The following QRFPR variants were observed in gnomAD, a reference collection of about 807,000 sequenced individuals.
QRFPR encodes the protein pyroglutamylated RFamide peptide receptor.
Under a neutral mutation model 31.3 loss-of-function variants are expected in QRFPR, and 37 were observed. The observed-to-expected ratio is 1.18, with a 90% CI of 0.91 to 1.56. The LOEUF (loss-of-function observed/expected upper bound fraction) is 1.56, where lower values mean the gene tolerates loss of function less well. QRFPR is among the 40% of genes most tolerant of loss of function. The pLI, the probability that QRFPR is intolerant of heterozygous loss-of-function variation, is 0.00. For missense variants in QRFPR, 542 were observed against 532.5 expected, an observed-to-expected ratio of 1.02 and a Z score of -0.18; for synonymous variants, 197 against 192.0, an observed-to-expected ratio of 1.03 and a Z score of -0.22.
intron 3 of QRFPR, among the ~76,000 whole-genome samples, chr4:121,333,547 G>A (rs184138952): frequency 6.6e-6 from 1 of 152,218 alleles, no homozygotes. Flanking sequence ...TTCATATATT[G>A]CAATGATCAG....
chr4:121,369,208 T>C (rs1043703325), intron 1 of QRFPR, among the ~76,000 whole-genome samples: 19 of 152,152 alleles, frequency 1.2e-4, no homozygotes, highest in Non-Finnish European at 2.6e-4. Context: ...TTTGTATTTT[T>C]AGTAGAGACA....
At chr4:121,354,593 A>C (rs1193251489) in intron 1 of QRFPR, among the ~76,000 whole-genome samples, 3 of 151,928 alleles carry the variant, frequency 2.0e-5, no homozygotes, top group Admixed American at 6.6e-5. Context: ...TTCTATGTTG[A>C]AAAAAAGAGG....
chr4:121,369,374 A>C, intron 1 of QRFPR: 1 of 667,862 alleles, frequency 1.5e-6, no homozygotes, highest in Non-Finnish European at 2.7e-6. Context: ...GCCAAGATAA[A>C]AGGGCAGTGG....
In QRFPR at chr4:121,380,764, G is replaced by T. The variant is rs1726478874; in HGVS notation, c.-117C>A. Reference sequence around the variant, plus strand: ...AGGCCGCCTCCCTTCCTCTACTCTGGAGTCAGCCGCGCGGGAGGGCTCTAG... The same window carrying T: ...AGGCCGCCTCCCTTCCTCTACTCTGTAGTCAGCCGCGCGGGAGGGCTCTAG... On this transcript the variant is annotated 5_prime_UTR_variant, in exon 1 of 6. Coordinates refer to ENST00000394427, the MANE Select transcript of QRFPR (RefSeq NM_198179.3). 2 of 958,214 alleles carry T rather than the reference G, an allele frequency of 2.1e-6. No individual in the cohort carries two copies. The highest frequency in any genetic ancestry group is 1.7e-5 in the African/African-American group (1 of 60,296). The allele number at this position is 958,214 out of a possible 1,614,324, so 59.4% of individuals were successfully genotyped here.
At chr4:121,359,729 G>GTA (rs897105528) in intron 1 of QRFPR, among the ~76,000 whole-genome samples, 2 of 150,554 alleles carry the variant, frequency 1.3e-5, no homozygotes, top group East Asian at 2.0e-4. Flanking sequence ...ATATGTGTGT[G>GTA]TATATATATA....
In QRFPR at chr4:121,368,502, C is replaced by A. The variant is rs779625381; in HGVS notation, c.340+11806G>T. ...AGAAAGAGAAGCATGCCTCCCCTGG[C>A]ACTGGCCTAAGAGGCCCCACATGAA... On this transcript the variant is annotated intron_variant, in intron 1 of 5. Coordinates refer to ENST00000394427, the MANE Select transcript of QRFPR (RefSeq NM_198179.3). Among the ~76,000 whole-genome samples the A allele has an allele frequency of 6.0e-4, 91 of 150,448 alleles. 10 individuals carry two copies. Among genetic ancestry groups the A allele is most frequent in the Admixed American group, 2.0e-4 (3 of 15,124 alleles).
rs1157231980 is a variant in QRFPR, at chr4:121,332,851, A to C, written c.767T>G (p.Ile256Ser). The change falls in exon 4 of 6, where the codon ATT becomes AGT. Residue 256 changes from isoleucine to serine, a missense_variant. Transcript: ENST00000394427. The stretch of plus-strand genomic sequence containing the variant: ...TATTTTGGACATTTCTTTTCCATGA[A>C]TAGTTCGAAGCACTGAACCATCCCC... ...RVGDGSVLRT[I>S]HGKEMSKIAR... is the part of the protein sequence containing the mutation. 2 of 1,613,830 alleles carry C rather than the reference A, an allele frequency of 1.2e-6. No homozygotes were observed. Among genetic ancestry groups the C allele is most frequent in the Non-Finnish European group, 1.7e-6 (2 of 1,179,826 alleles).
chr4:121,332,770 G>C, intron 4 of QRFPR, 51 bp downstream of exon 4: 1 of 1,404,022 alleles, frequency 7.1e-7, no homozygotes, highest in Non-Finnish European at 9.9e-7. Context: ...ATCCCTTCCA[G>C]CACAATTAAT....
chr4:121,354,154 C>G (rs1227488918), intron 1 of QRFPR, among the ~76,000 whole-genome samples: 2 of 151,876 alleles, frequency 1.3e-5, no homozygotes, highest in Non-Finnish European at 2.9e-5. Context: ...GTTTTTCCAC[C>G]TTTGTTCTTT....
At chr4:121,357,811 G>C (rs568159015) in intron 1 of QRFPR, among the ~76,000 whole-genome samples, 1 of 152,186 alleles carries the variant, frequency 6.6e-6, no homozygotes, top group Admixed American at 6.6e-5. Flanking sequence ...CTCACTTCAA[G>C]GTCTACGTTT....
At chr4:121,340,824 T>A (rs1190528571) in intron 1 of QRFPR, among the ~76,000 whole-genome samples, 1 of 152,202 alleles carries the variant, frequency 6.6e-6, no homozygotes, top group Non-Finnish European at 1.5e-5. Flanking sequence ...TGCTATGCAA[T>A]TATGTATAAT....
At chr4:121,348,778 C>A (rs545145423) in intron 1 of QRFPR, among the ~76,000 whole-genome samples, 8 of 152,174 alleles carry the variant, frequency 5.3e-5, no homozygotes, top group Non-Finnish European at 1.2e-4. Flanking sequence ...TCTATATTGT[C>A]AGCTTGATTT....
intron 1 of QRFPR, among the ~76,000 whole-genome samples, chr4:121,366,852 C>T (rs1726142270): frequency 6.7e-6 from 1 of 149,950 alleles, no homozygotes; most frequent in Non-Finnish European, 1.5e-5. Context: ...TATGTTAAGA[C>T]TTTGGTATCC....
intron 1 of QRFPR, among the ~76,000 whole-genome samples, chr4:121,347,120 C>T (rs927139591): frequency 6.6e-6 from 1 of 152,082 alleles, no homozygotes; most frequent in African/African-American, 2.4e-5. Context: ...TTTTAAATGG[C>T]AAAATTCTCC....
At chr4:121,347,637 C>A (rs1725680593) in intron 1 of QRFPR, among the ~76,000 whole-genome samples, 1 of 152,038 alleles carries the variant, frequency 6.6e-6, no homozygotes, top group Non-Finnish European at 1.5e-5. Flanking sequence ...TTTATCTTGC[C>A]CCCCACTTGT....
chr4:121,336,969 T>C, intron 2 of QRFPR, 101 bp from the exon 3 acceptor site: 5 of 1,068,208 alleles, frequency 4.7e-6, no homozygotes, highest in Non-Finnish European at 7.3e-6. Flanking sequence ...GGGCAGCTGT[T>C]CTCTGCCCTA....
intron 1 of QRFPR, among the ~76,000 whole-genome samples, chr4:121,343,326 G>T (rs753081457): frequency 6.6e-6 from 1 of 152,090 alleles, no homozygotes; most frequent in Non-Finnish European, 1.5e-5. Flanking sequence ...TCCCTAAGGG[G>T]AAAAATGTAC....
chr4:121,329,310 A>G lies in QRFPR; in HGVS notation c.*4T>C. ...GGGCATTAATTATGAAGATATTGTT[A>G]TAATTAATGCCCACTGTCTAAAGGA... On this transcript the variant is annotated 3_prime_UTR_variant, in exon 6 of 6. Coordinates refer to ENST00000394427, the MANE Select transcript of QRFPR (RefSeq NM_198179.3). 1 of 1,589,780 alleles carries G rather than the reference A, an allele frequency of 6.3e-7. No individual in the cohort carries two copies. Among genetic ancestry groups the G allele is most frequent in the Non-Finnish European group, 8.6e-7 (1 of 1,168,264 alleles).
intron 1 of QRFPR, among the ~76,000 whole-genome samples, chr4:121,355,436 T>C (rs1725848504): frequency 6.6e-6 from 1 of 152,172 alleles, no homozygotes; most frequent in Non-Finnish European, 1.5e-5. Context: ...TGTCTCTTGT[T>C]TTATTTGAGT....
Sources: gnomAD v4.1 joint callset for allele counts (sites outside exome capture counted in the v4.1 genomes callset) on GRCh38, gnomAD v4.1.1 for gene constraint, MANE v1.5 for transcripts, NCBI Gene and HGNC (gene_info 2026-07-23, HGNC 2026-07-21) for gene names.